The following GMDS variants were observed in gnomAD, a reference collection of about 807,000 sequenced individuals.
The protein encoded by GMDS is GDP-mannose 4,6-dehydratase.
Under a neutral mutation model 49.9 loss-of-function variants are expected in GMDS, and 20 were observed. That is an observed-to-expected ratio of 0.40 (90% confidence interval 0.28 to 0.58). GMDS has a LOEUF of 0.58. Ranked by LOEUF, GMDS falls within the 20% of genes least tolerant of loss-of-function variation. The pLI, the probability that GMDS is intolerant of heterozygous loss-of-function variation, is 0.42. For missense variants in GMDS, 362 were observed against 481.4 expected (o/e 0.75, Z 2.32); for synonymous variants, 177 against 178.6 (o/e 0.99, Z 0.07).
chr6:1,728,142 G>A (rs1462760817), intron 8 of GMDS, among the ~76,000 whole-genome samples: 1 of 152,160 alleles, frequency 6.6e-6, no homozygotes, highest in Non-Finnish European at 1.5e-5. Context: ...CTGAAGGAAT[G>A]ATGACCCTCA....
chr6:2,162,377 T>G (rs942212961), intron 1 of GMDS, among the ~76,000 whole-genome samples: 3 of 152,082 alleles, frequency 2.0e-5, no homozygotes, highest in Admixed American at 2.0e-4. Flanking sequence ...AACACCAGGG[T>G]TCCACTAATT....
In GMDS at chr6:2,142,307, A is replaced by T. The variant is rs1581705841; in HGVS notation, c.103-17576T>A. On this transcript the variant is annotated intron_variant, in intron 1 of 10. Coordinates refer to ENST00000380815, the MANE Select transcript of GMDS (RefSeq NM_001500.4). ...ATATGCTGAAGCCCTAACCTCCAGG[A>T]CCTGGGAATGGGATGTTAGTTGGAG... Among the ~76,000 whole-genome samples the T allele has an allele frequency of 3.3e-5, 5 of 152,250 alleles. No homozygotes were observed. In the South Asian group the frequency reaches 1.0e-3, roughly 32 times the overall value.
intron 4 of GMDS, among the ~76,000 whole-genome samples, chr6:2,033,835 T>C (rs1218584853): frequency 6.6e-6 from 1 of 152,194 alleles, no homozygotes; most frequent in African/African-American, 2.4e-5. Flanking sequence ...GATGGAGGTG[T>C]TGAAACTGTA....
intron 9 of GMDS, among the ~76,000 whole-genome samples, chr6:1,644,067 C>G (rs1338400995): frequency 6.6e-6 from 1 of 152,156 alleles, no homozygotes; most frequent in South Asian, 2.1e-4. Flanking sequence ...GACATTGCCC[C>G]GTGTCCTCGG....
At chr6:1,982,167 G>C (rs1024504682) in intron 4 of GMDS, among the ~76,000 whole-genome samples, 1 of 152,096 alleles carries the variant, frequency 6.6e-6, no homozygotes, top group Non-Finnish European at 1.5e-5. Flanking sequence ...TTAGCCAGGC[G>C]TGGTGGTAGG....
chr6:2,007,137 T>C, intron 4 of GMDS, among the ~76,000 whole-genome samples: 1 of 152,196 alleles, frequency 6.6e-6, no homozygotes, highest in Non-Finnish European at 1.5e-5. Context: ...AAAGATCTCA[T>C]CCTTAGGTAG....
intron 7 of GMDS, among the ~76,000 whole-genome samples, chr6:1,838,191 T>G (rs1443982356): frequency 6.6e-6 from 1 of 152,180 alleles, no homozygotes; most frequent in Non-Finnish European, 1.5e-5. Context: ...CATCTCACAT[T>G]ACAAATTTGC....
At chr6:1,860,138 T>C (rs1339609952) in intron 7 of GMDS, among the ~76,000 whole-genome samples, 1 of 152,188 alleles carries the variant, frequency 6.6e-6, no homozygotes, top group Non-Finnish European at 1.5e-5. Flanking sequence ...AAATTAACCA[T>C]TGTATCTCAG....
At chr6:1,944,285 T>G (rs1002325671) in intron 6 of GMDS, among the ~76,000 whole-genome samples, 20 of 152,084 alleles carry the variant, frequency 1.3e-4, no homozygotes, top group Non-Finnish European at 2.6e-4. Context: ...GGCGGACGGA[T>G]CACGAGATCA....
Position 1,946,665 on chromosome 6 carries a change from T to C in GMDS, c.643+13202A>G, listed in dbSNP as rs568285956. On this transcript the variant is annotated intron_variant, in intron 6 of 10. Coordinates refer to ENST00000380815, the MANE Select transcript of GMDS (RefSeq NM_001500.4). ...GAATTCAGCCAAAGAAAGGGGGATA[T>C]GCTGAAAACATCAAGCAGGTACGGA... Among the ~76,000 whole-genome samples the C allele has an allele frequency of 1.1e-4, 16 of 152,252 alleles. No homozygotes were observed. The East Asian group carries it at 3.1e-3, about 29-fold the overall frequency.
At chr6:1,634,080 A>C (rs1180228087) in intron 9 of GMDS, among the ~76,000 whole-genome samples, 1 of 152,224 alleles carries the variant, frequency 6.6e-6, no homozygotes, top group African/African-American at 2.4e-5. Context: ...ACTCTAATAC[A>C]TAATCCCTCT....
intron 7 of GMDS, among the ~76,000 whole-genome samples, chr6:1,812,931 T>C (rs1770499367): frequency 6.6e-6 from 1 of 152,172 alleles, no homozygotes; most frequent in Non-Finnish European, 1.5e-5. Context: ...GCTTCTAAAA[T>C]AAGTTATTAA....
intron 7 of GMDS, among the ~76,000 whole-genome samples, chr6:1,792,987 T>C (rs185625105): frequency 1.2e-4 from 19 of 152,344 alleles, no homozygotes; most frequent in African/African-American, 4.3e-4. Context: ...ATAATTTCCT[T>C]ATATTTTCCA....
At chr6:1,824,803 A>G (rs1357119723) in intron 7 of GMDS, among the ~76,000 whole-genome samples, 2 of 152,170 alleles carry the variant, frequency 1.3e-5, no homozygotes, top group Non-Finnish European at 2.9e-5. Flanking sequence ...AATATTTTTT[A>G]GCTGTTATTT....
rs185802913 is a variant in GMDS, at chr6:1,656,667, G to A, written c.988-32127C>T. Among the ~76,000 whole-genome samples the A allele has an allele frequency of 8.5e-5, 13 of 152,160 alleles. No individual in the cohort carries two copies. In the East Asian group the frequency reaches 2.5e-3, roughly 29 times the overall value. ...TAATCCCAAGTGCTCAGGAGGCTGA[G>A]GCAGGAGAATCGCTTGAACCTGGGA... On this transcript the variant is annotated intron_variant, in intron 9 of 10. Coordinates refer to ENST00000380815, the MANE Select transcript of GMDS (RefSeq NM_001500.4).
Position 1,624,516 on chromosome 6 carries a change from T to C in GMDS, c.1012A>G (p.Lys338Glu). 2 of 1,613,754 alleles carry C rather than the reference T, an allele frequency of 1.2e-6. No homozygotes were observed. The highest frequency in any genetic ancestry group is 1.7e-6 in the Non-Finnish European group (2 of 1,179,768). The change falls in exon 10 of 11, where the codon AAA becomes GAA. Residue 338 changes from lysine to glutamate, a missense_variant. Physicochemically the swap from Lys to Glu is moderately conservative, Grantham distance 56. Transcript: ENST00000380815. ...TTCCAGTTCAGCTTCTGTTTCGCTT[T>C]GGTGCAGTCGCCCTGCAGAAAGTCC... ...EVDFLQGDCT[K>E]AKQKLNWKPR...
intron 6 of GMDS, among the ~76,000 whole-genome samples, chr6:1,956,484 T>C (rs1294163138): frequency 1.3e-5 from 2 of 152,154 alleles, no homozygotes; most frequent in African/African-American, 4.8e-5. Context: ...GAGGGCACCT[T>C]TGACAATTAC....
intron 4 of GMDS, among the ~76,000 whole-genome samples, chr6:2,056,692 T>TA (rs1350890398): frequency 5.3e-5 from 8 of 152,198 alleles, no homozygotes; most frequent in Non-Finnish European, 8.8e-5. Context: ...GCACATACTT[T>TA]AATGCTCCAA....
intron 9 of GMDS, among the ~76,000 whole-genome samples, chr6:1,634,545 G>A (rs928382389): frequency 3.3e-5 from 5 of 152,198 alleles, no homozygotes; most frequent in African/African-American, 1.2e-4. Context: ...CTGTGTCCAT[G>A]TGCACTATGT....
Sources: gnomAD v4.1 joint callset for allele counts (sites outside exome capture counted in the v4.1 genomes callset) on GRCh38, gnomAD v4.1.1 for gene constraint, MANE v1.5 for transcripts, NCBI Gene and HGNC (gene_info 2026-07-23, HGNC 2026-07-21) for gene names.